Variants in SCG5 observed in about 807,000 individuals in gnomAD.
SCG5 encodes neuroendocrine protein 7B2.
Under a neutral mutation model 25.7 loss-of-function variants are expected in SCG5, and 18 were observed. The ratio of observed to expected loss-of-function variants is 0.70; its 90% confidence interval spans 0.48 to 1.04. The LOEUF (loss-of-function observed/expected upper bound fraction) is 1.04. Ranked by LOEUF, SCG5 falls within the 50% of genes least tolerant of loss-of-function variation. The probability of loss-of-function intolerance (pLI) is 0.00; values close to 1 mark genes in which losing one functional copy is unlikely to be tolerated. For missense variants in SCG5, 206 were observed against 259.8 expected, an observed-to-expected ratio of 0.79 and a Z score of 1.42; for synonymous variants, 101 against 91.7, an observed-to-expected ratio of 1.10 and a Z score of -0.58.
intron 2 of SCG5, among the ~76,000 whole-genome samples, chr15:32,674,225 C>T (rs1385842387): frequency 1.3e-5 from 2 of 152,066 alleles, no homozygotes; most frequent in Non-Finnish European, 1.5e-5. Context: ...GATCTTAAAC[C>T]GATGCTTCAG....
intron 3 of SCG5, 78 bp from the exon 4 acceptor site, chr15:32,684,479 A>G: frequency 4.7e-6 from 4 of 858,446 alleles, no homozygotes; most frequent in Admixed American, 2.1e-5. Context: ...TTGGCTGCCT[A>G]GTTGTTTTTG....
chr15:32,690,998 T>C (rs1321687482), intron 4 of SCG5, among the ~76,000 whole-genome samples: 1 of 151,270 alleles, frequency 6.6e-6, no homozygotes, highest in Non-Finnish European at 1.5e-5. Context: ...ATAATCTCAA[T>C]AGAAGGGAAA....
rs543047003 is a variant in SCG5, at chr15:32,666,431, C to G, written c.227-13335C>G. ...TATCCAGTTTTCCAATTATCCAGGC[C>G]CATTTACCTCTGCTCCCACTCAGCG... On this transcript the variant is annotated intron_variant, in intron 2 of 5. Transcript: ENST00000300175. The G allele has an allele frequency of 4.6e-5, 7 of 152,302 alleles. No individual in the cohort carries two copies. The East Asian group carries it at 1.2e-3, about 25-fold the overall frequency. The allele number at this position is 152,302 out of a possible 1,614,324, so 9.4% of individuals were successfully genotyped here. A position where few individuals can be genotyped will look rare whatever the true frequency, so the allele number is the denominator to read the frequency against.
At chr15:32,645,580 A>G (rs1215310580) in intron 2 of SCG5, among the ~76,000 whole-genome samples, 1 of 152,142 alleles carries the variant, frequency 6.6e-6, no homozygotes, top group African/African-American at 2.4e-5. Flanking sequence ...TTAGGAGTGG[A>G]TGGGGTGGCT....
intron 2 of SCG5, among the ~76,000 whole-genome samples, chr15:32,648,681 G>C (rs2053985220): frequency 6.6e-6 from 1 of 151,760 alleles, no homozygotes; most frequent in Non-Finnish European, 1.5e-5. Context: ...CCCATTCCTT[G>C]TGTAGCGAGT....
At chr15:32,685,125 G>A (rs1447195950) in intron 4 of SCG5, among the ~76,000 whole-genome samples, 1 of 152,218 alleles carries the variant, frequency 6.6e-6, no homozygotes, top group Non-Finnish European at 1.5e-5. Context: ...ATATAATTCT[G>A]CTTTATAGAA....
chr15:32,674,972 A>G (rs1020219393), intron 2 of SCG5, among the ~76,000 whole-genome samples: 2 of 152,204 alleles, frequency 1.3e-5, no homozygotes, highest in African/African-American at 4.8e-5. Flanking sequence ...ATTACATCTG[A>G]GTGCAACTTT....
intron 2 of SCG5, among the ~76,000 whole-genome samples, chr15:32,660,536 T>C (rs1052175137): frequency 6.6e-6 from 1 of 152,228 alleles, no homozygotes; most frequent in Non-Finnish European, 1.5e-5. Flanking sequence ...ACCTTAGATC[T>C]ATTAATAGAG....
chr15:32,693,423 C>T (rs375943106), intron 5 of SCG5, among the ~76,000 whole-genome samples: 5 of 152,230 alleles, frequency 3.3e-5, no homozygotes, highest in African/African-American at 1.2e-4. Flanking sequence ...TCAAGTTCTT[C>T]CTGTTCTTGG....
chr15:32,644,290 A>G (rs540684375), intron 2 of SCG5, among the ~76,000 whole-genome samples: 200 of 152,326 alleles, frequency 1.3e-3, no homozygotes, highest in African/African-American at 4.7e-3. Context: ...GAGCTTCAAA[A>G]TGTAGAACCT....
rs1315783652 is a variant in SCG5, at chr15:32,669,764, TA to T, written c.227-10001del. Among the ~76,000 whole-genome samples the T allele has an allele frequency of 1.6e-4, 25 of 152,182 alleles. No homozygotes were observed. The East Asian group carries it at 3.7e-3, about 22-fold the overall frequency. ...ATTTTGGGGTTTTGTGTGTATGTGT[TA>T]GAGGGGGTGGGGTTTGTGGTGACTA... On this transcript the variant is annotated intron_variant, in intron 2 of 5. Coordinates refer to ENST00000300175, the MANE Select transcript of SCG5 (RefSeq NM_001144757.3).
rs186051897 is a variant in SCG5 at position 32,658,537 on chromosome 15, G to A, written c.226+14719G>A. 7.9e-3 allele frequency among the ~76,000 whole-genome samples: 1,206 copies of A among 152,294 alleles called. 11 individuals carry two copies. Among genetic ancestry groups the A allele is most frequent in the Non-Finnish European group, 0.012 (833 of 68,030 alleles). Reference sequence around the variant, plus strand: ...GGGAGGGTGGCAGGGAAGGCTGGATGCATTTAAGGCTGTCGCCAAGTTTTT... The same window carrying A: ...GGGAGGGTGGCAGGGAAGGCTGGATACATTTAAGGCTGTCGCCAAGTTTTT... On this transcript the variant is annotated intron_variant, in intron 2 of 5. Coordinates refer to ENST00000300175, the MANE Select transcript of SCG5 (RefSeq NM_001144757.3).
At position 32,693,276 on chromosome 15, in the gene SCG5, C is replaced by T. The variant is rs540197779; in HGVS notation, c.543+1513C>T. 5.9e-5 allele frequency among the ~76,000 whole-genome samples: 9 copies of T among 152,286 alleles called. 1 individual carries two copies. In the South Asian group the frequency reaches 8.3e-4, roughly 14 times the overall value. On this transcript the variant is annotated intron_variant, in intron 5 of 5. Transcript: ENST00000300175. ...ATGGTCACGATTTAGGTCATTTTTC[C>T]GTGAGACTAGTGATTACCAAAACTC...
At chr15:32,685,628 G>A (rs776933234) in intron 4 of SCG5, among the ~76,000 whole-genome samples, 2 of 152,216 alleles carry the variant, frequency 1.3e-5, no homozygotes, top group African/African-American at 2.4e-5. Context: ...GATACCATCA[G>A]ATGACAGAGT....
intron 2 of SCG5, among the ~76,000 whole-genome samples, chr15:32,674,596 CCT>C (rs769325458): frequency 6.6e-6 from 1 of 152,072 alleles, no homozygotes; most frequent in Non-Finnish European, 1.5e-5. Flanking sequence ...AAGTTAGTGC[CCT>C]CTTCTGGACA....
chr15:32,657,755 T>A (rs1375905551), intron 2 of SCG5, among the ~76,000 whole-genome samples: 1 of 152,200 alleles, frequency 6.6e-6, no homozygotes, highest in Non-Finnish European at 1.5e-5. Context: ...TCTAATACAT[T>A]TCTACTTTTA....
At chr15:32,657,211 A>ATATATATATATATATGTG (rs1555433850) in intron 2 of SCG5, among the ~76,000 whole-genome samples, 1 of 102,468 alleles carries the variant, frequency 9.8e-6, no homozygotes, top group African/African-American at 3.4e-5. Flanking sequence ...ATATATATAT[A>ATATATATATATATATGTG]TGTATGTATT....
chr15:32,668,517 T>G (rs1222885290), intron 2 of SCG5, among the ~76,000 whole-genome samples: 1 of 152,222 alleles, frequency 6.6e-6, no homozygotes, highest in Non-Finnish European at 1.5e-5. Flanking sequence ...ACCACTCCCC[T>G]GGCCAGTGCG....
intron 4 of SCG5, among the ~76,000 whole-genome samples, chr15:32,689,808 T>C (rs1285953851): frequency 1.3e-5 from 2 of 152,098 alleles, no homozygotes; most frequent in African/African-American, 2.4e-5. Context: ...GGGACCATCT[T>C]TGAGAGGAAG....
Sources: allele counts gnomAD v4.1 joint callset (sites outside exome capture counted in the v4.1 genomes callset), GRCh38; gene constraint gnomAD v4.1.1; transcripts MANE v1.5; gene names NCBI Gene and HGNC (gene_info 2026-07-23, HGNC 2026-07-21).